MYCBP2: variants seen among roughly 807,000 people sequenced by gnomAD.
MYCBP2 encodes MYC binding protein 2, also known as E3 ubiquitin-protein ligase MYCBP2.
In MYCBP2, 120 loss-of-function variants were observed where a neutral mutation model predicts 525.3. The ratio of observed to expected loss-of-function variants is 0.23; its 90% CI spans 0.20 to 0.27. The LOEUF is 0.27. Ranked by LOEUF, MYCBP2 falls within the 10% of genes least tolerant of loss-of-function variation. The pLI, the probability that MYCBP2 is intolerant of heterozygous loss-of-function variation, is 1.00. For synonymous variants in MYCBP2, 1,894 were observed against 1,955.8 expected (o/e 0.97, Z 0.83); for missense variants, 4,149 against 5,657.1 (o/e 0.73, Z 8.55).
chr13:77,205,064 A>C (rs2063163794), intron 26 of MYCBP2, among the ~76,000 whole-genome samples, 192 bp downstream of exon 26: 1 of 151,868 alleles, frequency 6.6e-6, no homozygotes, highest in South Asian at 2.1e-4. Context: ...TAAATAAATA[A>C]ATTTAAAAAA....
rs557019720 is a variant in MYCBP2 at position 77,115,859 on chromosome 13, T to C, written c.8140+5514A>G. On this transcript the variant is annotated intron_variant, in intron 55 of 82. Coordinates refer to ENST00000544440, the MANE Select transcript of MYCBP2 (RefSeq NM_015057.5). ...CAAACTACTGTTACATTAAAAAAAG[T>C]CAAACTATAAAAAGAAAAATAATCA... Among the ~76,000 whole-genome samples, 4 of 151,572 alleles carry C rather than the reference T, an allele frequency of 2.6e-5. No individual in the cohort carries two copies. In the East Asian group the frequency reaches 5.8e-4, roughly 22 times the overall value.
Position 77,096,354 on chromosome 13 carries a change from T to C in MYCBP2, c.9912A>G (p.Arg3304=). The C allele has an allele frequency of 8.7e-6, 14 of 1,613,468 alleles. No individual in the cohort carries two copies. The highest frequency in any genetic ancestry group is 1.2e-5 in the Non-Finnish European group (14 of 1,179,578). The change falls in exon 57 of 83, where the codon AGA becomes AGG. Residue 3304 remains arginine, a synonymous_variant. Coordinates refer to ENST00000544440, the MANE Select transcript of MYCBP2 (RefSeq NM_015057.5). ...STWYLVCDRC[R]EKYLREKQAA... Reference sequence around the variant, plus strand: ...CCTGTTTTTCGCGGAGGTATTTTTCTCTACAGCGATCACATACCAGATACC... The same window carrying C: ...CCTGTTTTTCGCGGAGGTATTTTTCCCTACAGCGATCACATACCAGATACC...
chr13:77,180,621 C>A (rs2154246891), intron 33 of MYCBP2, among the ~76,000 whole-genome samples: 1 of 152,272 alleles, frequency 6.6e-6, no homozygotes, highest in African/African-American at 2.4e-5. Flanking sequence ...AAACTTCTTT[C>A]CATTTAAAAA....
At chr13:77,063,827 CAT>C (rs1188112706) in intron 73 of MYCBP2, among the ~76,000 whole-genome samples, 1 of 152,148 alleles carries the variant, frequency 6.6e-6, no homozygotes, top group Non-Finnish European at 1.5e-5. Flanking sequence ...GAAAGCAACA[CAT>C]GAGTGGTAGG....
At chr13:77,278,729 T>G (rs748020198) in intron 4 of MYCBP2, 29 bp downstream of exon 4, 1 of 1,463,128 alleles carries the variant, frequency 6.8e-7, no homozygotes, top group Non-Finnish European at 9.1e-7. Flanking sequence ...CACTTTTAAA[T>G]GCTTCACTGA....
chr13:77,213,649 C>A (rs1015942471), intron 21 of MYCBP2, among the ~76,000 whole-genome samples: 4 of 152,100 alleles, frequency 2.6e-5, no homozygotes, highest in African/African-American at 9.7e-5. Flanking sequence ...TGTTAGATAC[C>A]TGGACAACCC....
intron 1 of MYCBP2, among the ~76,000 whole-genome samples, chr13:77,319,818 G>T (rs539024397): frequency 6.6e-6 from 1 of 152,288 alleles, no homozygotes; most frequent in African/African-American, 2.4e-5. Flanking sequence ...CAGCCAGCCA[G>T]CCAATAATCC....
intron 14 of MYCBP2, among the ~76,000 whole-genome samples, chr13:77,253,188 A>C (rs986886819): frequency 2.6e-5 from 4 of 152,006 alleles, no homozygotes; most frequent in African/African-American, 9.7e-5. Flanking sequence ...TAAAGTTTGA[A>C]GAGATGTTCA....
At chr13:77,304,596 G>C (rs2079174740) in intron 1 of MYCBP2, among the ~76,000 whole-genome samples, 1 of 152,134 alleles carries the variant, frequency 6.6e-6, no homozygotes, top group South Asian at 2.1e-4. Flanking sequence ...AGCTAGAAGA[G>C]AGGATTTTGA....
intron 80 of MYCBP2, among the ~76,000 whole-genome samples, chr13:77,054,258 G>T (rs747940364): frequency 6.6e-6 from 1 of 152,156 alleles, no homozygotes; most frequent in African/African-American, 2.4e-5. Flanking sequence ...GAGCAGACAG[G>T]GCTGAGTTTG....
chr13:77,324,561 C>T (rs7336511), intron 1 of MYCBP2, among the ~76,000 whole-genome samples: 151,568 of 152,364 alleles, frequency 0.99, 75,392 homozygotes, highest in Middle Eastern at 1. Context: ...AATAATGTTG[C>T]GTTGAACAAG....
intron 5 of MYCBP2, among the ~76,000 whole-genome samples, chr13:77,270,956 A>G (rs1231944618): frequency 6.6e-6 from 1 of 150,936 alleles, no homozygotes; most frequent in African/African-American, 2.4e-5. Flanking sequence ...CACCATTTCC[A>G]TCTTCAACCA....
At chr13:77,278,625 T>C in intron 4 of MYCBP2, 133 bp downstream of exon 4, 2 of 688,346 alleles carry the variant, frequency 2.9e-6, no homozygotes, top group Non-Finnish European at 4.2e-6. Context: ...TTAACATCTA[T>C]CACCTCAAGT....
At chr13:77,261,773 T>C (rs2073328389) in intron 11 of MYCBP2, among the ~76,000 whole-genome samples, 1 of 151,748 alleles carries the variant, frequency 6.6e-6, no homozygotes, top group South Asian at 2.1e-4. Flanking sequence ...GTTAGAAAAA[T>C]GATGCCAACA....
chr13:77,224,896 G>A (rs1005824376), intron 19 of MYCBP2, among the ~76,000 whole-genome samples: 5 of 151,974 alleles, frequency 3.3e-5, no homozygotes, highest in South Asian at 2.1e-4. Context: ...GCACAATTAC[G>A]TACAACATCA....
At chr13:77,057,381 C>T (rs2038313350) in intron 78 of MYCBP2, among the ~76,000 whole-genome samples, 1 of 152,084 alleles carries the variant, frequency 6.6e-6, no homozygotes, top group Non-Finnish European at 1.5e-5. Flanking sequence ...TAAAATTATT[C>T]AATTTTGTAT....
At chr13:77,322,647 T>C (rs1594916023) in intron 1 of MYCBP2, among the ~76,000 whole-genome samples, 1 of 152,226 alleles carries the variant, frequency 6.6e-6, no homozygotes, top group Non-Finnish European at 1.5e-5. Context: ...ACTACAAAGT[T>C]ACAAGTAAAG....
At position 77,150,852 on chromosome 13, in the gene MYCBP2, G is replaced by A. The variant is rs755989930; in HGVS notation, c.7013C>T (p.Thr2338Ile). 5 of 1,614,044 alleles carry A rather than the reference G, an allele frequency of 3.1e-6. No individual in the cohort carries two copies. Among genetic ancestry groups the A allele is most frequent in the South Asian group, 2.2e-5 (2 of 91,084 alleles). The change falls in exon 47 of 83, where the codon ACA becomes ATA. Residue 2338 changes from threonine to isoleucine, a missense_variant. Physicochemically the swap from Thr to Ile is moderately conservative, Grantham distance 89. This residue lies in a region of MYCBP2 where 692 missense variants were observed against 852.7 expected (regional missense o/e 0.81). Transcript: ENST00000544440. ...PQRIPGSPAV[T>I]AASSNTDMTY... ...CATGTCAGTATTAGAAGATGCAGCT[G>A]TTACTGCAGGACTGCCAGGAATCCT...
rs894270764 is a variant in MYCBP2, at chr13:77,176,682, A to G, written c.5341-54T>C. ...TCCAACAGACTCTTAATTTTATTGT[A>G]TGAACAATTTTGATTTATAATTATT... On this transcript the variant is annotated intron_variant, in intron 35 of 82. Transcript: ENST00000544440. 3.1e-6 allele frequency: 4 copies of G among 1,307,578 alleles called. No homozygotes were observed. The African/African-American group carries it at 4.5e-5, about 15-fold the overall frequency. The allele number at this position is 1,307,578 out of a possible 1,614,324, so 81.0% of individuals were successfully genotyped here.
Sources: allele counts gnomAD v4.1 joint callset (sites outside exome capture counted in the v4.1 genomes callset), GRCh38; gene constraint gnomAD v4.1.1; regional missense constraint gnomAD v4.1.1; transcripts MANE v1.5; gene names NCBI Gene and HGNC (gene_info 2026-07-23, HGNC 2026-07-21).